BMP7: variants seen among roughly 807,000 people sequenced by gnomAD.
The protein encoded by BMP7 is bone morphogenetic protein 7.
Under a neutral mutation model 41.2 loss-of-function variants are expected in BMP7, and 12 were observed. The ratio of observed to expected loss-of-function variants is 0.29; its 90% CI spans 0.19 to 0.47. The LOEUF (loss-of-function observed/expected upper bound fraction) is 0.47, where lower values mean the gene tolerates loss of function less well. Ranked by LOEUF, BMP7 falls within the 20% of genes least tolerant of loss-of-function variation. The pLI is 0.99. For synonymous variants in BMP7, 248 were observed against 250.0 expected, an observed-to-expected ratio of 0.99 and a Z score of 0.07; for missense variants, 467 against 606.0, an observed-to-expected ratio of 0.77 and a Z score of 2.41.
intron 2 of BMP7, among the ~76,000 whole-genome samples, chr20:57,212,082 C>T (rs955493933): frequency 2.0e-5 from 3 of 152,074 alleles, no homozygotes; most frequent in Non-Finnish European, 4.4e-5. Flanking sequence ...GCTGGGCGTG[C>T]GTAGCACACA....
At chr20:57,186,658 A>G (rs1412620681) in intron 3 of BMP7, among the ~76,000 whole-genome samples, 1 of 152,180 alleles carries the variant, frequency 6.6e-6, no homozygotes, top group Non-Finnish European at 1.5e-5. Context: ...CCCCCAAGTT[A>G]GATGGGAGGG....
In BMP7 at chr20:57,190,391, CCGAGGGGG is replaced by C. The variant is rs1282361465; in HGVS notation, c.761-6480_761-6473del. Among the ~76,000 whole-genome samples, 659 of 102,796 alleles carry C rather than the reference CCGAGGGGG, an allele frequency of 6.4e-3. 35 individuals carry two copies. In the East Asian group the frequency reaches 0.073, roughly 11 times the overall value. 67.4% of individuals were successfully genotyped at this position (102,796 alleles called of 152,430 possible). On this transcript the variant is annotated intron_variant, in intron 3 of 6. Coordinates refer to ENST00000395863, the MANE Select transcript of BMP7 (RefSeq NM_001719.3). Reference sequence around the variant, plus strand: ...AGGCTGGAGAGCGTGAGTGAGGAGCCCGAGGGGGTGAGGCTGGAGAGCGTGAGTGAGGA... The same window carrying C: ...AGGCTGGAGAGCGTGAGTGAGGAGCCTGAGGCTGGAGAGCGTGAGTGAGGA...
intron 1 of BMP7, among the ~76,000 whole-genome samples, chr20:57,255,974 C>T (rs892346368): frequency 3.2e-4 from 48 of 152,118 alleles, no homozygotes; most frequent in African/African-American, 1.1e-3. Context: ...AGTAATGCTT[C>T]TTAATTCTCT....
In BMP7 at chr20:57,261,582, C is replaced by T. The variant is rs575952317; in HGVS notation, c.418+4123G>A. ...AAAAGAAGTGATTTTGAAAGGGTTA[C>T]GAAAAACACAGCTGTTGGTGCACTC... On this transcript the variant is annotated intron_variant, in intron 1 of 6. Transcript: ENST00000395863. This position sits in a 1 kb window ranked among gnomAD's most constrained non-coding sequence, Gnocchi z 4.1. 3.9e-5 allele frequency among the ~76,000 whole-genome samples: 6 copies of T among 152,220 alleles called. No individual in the cohort carries two copies. The highest frequency in any genetic ancestry group is 6.5e-5 in the Admixed American group (1 of 15,298).
chr20:57,198,592 T>A (rs2123085096), intron 3 of BMP7, among the ~76,000 whole-genome samples: 1 of 152,232 alleles, frequency 6.6e-6, no homozygotes, highest in African/African-American at 2.4e-5. Flanking sequence ...CTGCTCCGCA[T>A]GGTGACTCAC....
rs2066152372 is a variant in BMP7, at chr20:57,261,101, T to C, written c.418+4604A>G. On this transcript the variant is annotated intron_variant, in intron 1 of 6. Coordinates refer to ENST00000395863, the MANE Select transcript of BMP7 (RefSeq NM_001719.3). The surrounding 1 kb of genome is among the most constrained non-coding windows in gnomAD (Gnocchi z 4.1). ...CTCTCCCTGGAATGAAGTCACCAGT[T>C]GTCTCTGAGTTCAGCGGACACGTGA... Among the ~76,000 whole-genome samples, 1 of 152,194 alleles carries C rather than the reference T, an allele frequency of 6.6e-6. No individual in the cohort carries two copies.
At chr20:57,210,204 G>C (rs1019753912) in intron 2 of BMP7, among the ~76,000 whole-genome samples, 2 of 152,220 alleles carry the variant, frequency 1.3e-5, no homozygotes, top group Admixed American at 6.5e-5. Flanking sequence ...GCCGCACTAA[G>C]AGGCGTTAAT....
chr20:57,260,572 CA>C lies in BMP7; in HGVS notation c.418+5132del, dbSNP rs148769122. 2.8e-3 allele frequency among the ~76,000 whole-genome samples: 433 copies of C among 152,334 alleles called. 6 individuals carry two copies. The highest frequency in any genetic ancestry group is 0.01 in the African/African-American group (416 of 41,572). ...ATGAAGGCGAGAGAAGGCAAAATGG[CA>C]CCGGCGCATTTGATTTAAACTAATT... On this transcript the variant is annotated intron_variant, in intron 1 of 6. Coordinates refer to ENST00000395863, the MANE Select transcript of BMP7 (RefSeq NM_001719.3).
chr20:57,186,444 A>G (rs1984213157), intron 3 of BMP7, among the ~76,000 whole-genome samples: 1 of 152,222 alleles, frequency 6.6e-6, no homozygotes, highest in South Asian at 2.1e-4. Context: ...TATATATGTA[A>G]TACCATGTCT....
chr20:57,248,783 TTTTTG>T (rs149345309), intron 1 of BMP7, among the ~76,000 whole-genome samples: 24 of 151,536 alleles, frequency 1.6e-4, no homozygotes, highest in Admixed American at 3.3e-4. Flanking sequence ...GAGTTTTTTG[TTTTTG>T]TTTTGTTTTG....
intron 2 of BMP7, among the ~76,000 whole-genome samples, chr20:57,216,440 G>A (rs928227719): frequency 2.6e-5 from 4 of 152,260 alleles, no homozygotes; most frequent in South Asian, 2.1e-4. Flanking sequence ...ACTTCAGCCC[G>A]TCAGAACCTC....
rs1983800674 is a variant in BMP7 at position 57,170,878 on chromosome 20, T to C, written c.*81A>G. On this transcript the variant is annotated 3_prime_UTR_variant, in exon 7 of 7. Transcript: ENST00000395863. ...AGGGGAAGGTCTCACAAAAGGCAGTTGGTCTGCTGGTTCCTGGCCAAGGCG... is the reference window on the plus strand; with the variant it reads ...AGGGGAAGGTCTCACAAAAGGCAGTCGGTCTGCTGGTTCCTGGCCAAGGCG... 1 of 1,561,566 alleles carries C rather than the reference T, an allele frequency of 6.4e-7. No individual in the cohort carries two copies. Among genetic ancestry groups the C allele is most frequent in the Non-Finnish European group, 8.7e-7 (1 of 1,146,740 alleles).
chr20:57,218,118 C>T (rs1468927122), intron 2 of BMP7, among the ~76,000 whole-genome samples: 1 of 152,248 alleles, frequency 6.6e-6, no homozygotes, highest in Non-Finnish European at 1.5e-5. Flanking sequence ...CACAGAAGTA[C>T]GCCGAGCTTG....
intron 1 of BMP7, among the ~76,000 whole-genome samples, chr20:57,235,325 A>G (rs903751051): frequency 6.6e-6 from 1 of 152,216 alleles, no homozygotes; most frequent in African/African-American, 2.4e-5. Context: ...GCTGCAATGC[A>G]TACTCTTGTG....
At chr20:57,234,705 A>C (rs1207080306) in intron 1 of BMP7, among the ~76,000 whole-genome samples, 1 of 152,234 alleles carries the variant, frequency 6.6e-6, no homozygotes, top group Non-Finnish European at 1.5e-5. Context: ...CGCTTTCTTC[A>C]GACTTGGATC....
chr20:57,239,073 T>C (rs1021722653), intron 1 of BMP7, among the ~76,000 whole-genome samples: 8 of 152,086 alleles, frequency 5.3e-5, no homozygotes, highest in African/African-American at 1.9e-4. Context: ...GTCCCCCAAA[T>C]TCTTAACTCA....
At chr20:57,205,141 TTTTGTTTG>T (rs10627323) in intron 2 of BMP7, among the ~76,000 whole-genome samples, 8 of 151,056 alleles carry the variant, frequency 5.3e-5, no homozygotes, top group Non-Finnish European at 8.9e-5. Context: ...GGTATTTGTT[TTTTGTTTG>T]TTTGTTTGTT....
chr20:57,178,504 C>G (rs1393361398), intron 4 of BMP7, among the ~76,000 whole-genome samples: 1 of 152,030 alleles, frequency 6.6e-6, no homozygotes, highest in Non-Finnish European at 1.5e-5. Context: ...AGGAACCTCC[C>G]CAGGGCCAGG....
intron 4 of BMP7, among the ~76,000 whole-genome samples, chr20:57,182,663 T>C (rs1984112673): frequency 6.6e-6 from 1 of 152,230 alleles, no homozygotes; most frequent in Non-Finnish European, 1.5e-5. Context: ...ACTTACCCTC[T>C]TTGAGCCTCA....
Sources: allele counts gnomAD v4.1 joint callset (sites outside exome capture counted in the v4.1 genomes callset), GRCh38; gene constraint gnomAD v4.1.1; non-coding constraint Gnocchi (gnomAD v3.1); transcripts MANE v1.5; gene names NCBI Gene and HGNC (gene_info 2026-07-23, HGNC 2026-07-21).